Variants in XKR4 observed in about 807,000 individuals in gnomAD.
XKR4 encodes the protein XK-related protein 4.
A neutral mutation model predicts 53.9 loss-of-function variants in XKR4; 12 were observed. The observed-to-expected ratio is 0.22, with a 90% CI of 0.14 to 0.36. The LOEUF (loss-of-function observed/expected upper bound fraction) is 0.36. Among genes scored for constraint, XKR4 ranks in the 10% least tolerant of loss-of-function variants. XKR4 has a pLI of 1.00. For synonymous variants in XKR4, 354 were observed against 362.4 expected, an observed-to-expected ratio of 0.98 and a Z score of 0.26; for missense variants, 799 against 859.5, an observed-to-expected ratio of 0.93 and a Z score of 0.88.
At chr8:55,235,055 A>C (rs960531666) in intron 1 of XKR4, among the ~76,000 whole-genome samples, 1 of 152,210 alleles carries the variant, frequency 6.6e-6, no homozygotes, top group East Asian at 1.9e-4. Context: ...AGAAGTATAA[A>C]ATGAAGGATT....
rs538348094 is a variant in XKR4, at chr8:55,497,985, C to A, written c.1007-25296C>A. Among the ~76,000 whole-genome samples, 4 of 152,332 alleles carry A rather than the reference C, an allele frequency of 2.6e-5. No homozygotes were observed. The South Asian group carries it at 8.3e-4, about 32-fold the overall frequency. Reference sequence around the variant, plus strand: ...TTCCACACTCAGCCCTCTGGTCACACCCACTCCAGGCTGGCCCCGAGGATT... The same window carrying A: ...TTCCACACTCAGCCCTCTGGTCACAACCACTCCAGGCTGGCCCCGAGGATT... On this transcript the variant is annotated intron_variant, in intron 2 of 2. Coordinates refer to ENST00000327381, the MANE Select transcript of XKR4 (RefSeq NM_052898.2).
intron 2 of XKR4, among the ~76,000 whole-genome samples, chr8:55,462,604 G>T (rs1232374079): frequency 2.6e-5 from 4 of 152,102 alleles, no homozygotes; most frequent in African/African-American, 7.2e-5. Context: ...ATAATGACGG[G>T]ATCAAATTCA....
intron 2 of XKR4, among the ~76,000 whole-genome samples, chr8:55,400,626 C>G (rs1804585266): frequency 6.6e-6 from 1 of 152,128 alleles, no homozygotes; most frequent in Non-Finnish European, 1.5e-5. Flanking sequence ...GTCAGCTTCT[C>G]CCCACACTTC....
intron 1 of XKR4, among the ~76,000 whole-genome samples, chr8:55,342,137 C>G (rs1017770410): frequency 4.1e-5 from 6 of 147,168 alleles, no homozygotes; most frequent in African/African-American, 1.2e-4. Flanking sequence ...TAAATGGCAA[C>G]TCTATCTTTC....
intron 1 of XKR4, among the ~76,000 whole-genome samples, chr8:55,296,215 G>A (rs1445088602): frequency 1.3e-5 from 2 of 152,092 alleles, no homozygotes; most frequent in East Asian, 3.9e-4. Flanking sequence ...AGGGAGAGGT[G>A]GGGGCATATT....
At chr8:55,118,122 A>G (rs1233644838) in intron 1 of XKR4, among the ~76,000 whole-genome samples, 1 of 152,162 alleles carries the variant, frequency 6.6e-6, no homozygotes, top group Non-Finnish European at 1.5e-5. Context: ...TAGATTTCTG[A>G]TAAACTATTC....
chr8:55,302,271 G>A (rs1186236136), intron 1 of XKR4, among the ~76,000 whole-genome samples: 1 of 152,146 alleles, frequency 6.6e-6, no homozygotes, highest in Non-Finnish European at 1.5e-5. Context: ...CCCATTTCTT[G>A]TTTTTGTCAG....
intron 2 of XKR4, among the ~76,000 whole-genome samples, chr8:55,394,255 C>A (rs551298670): frequency 6.6e-6 from 1 of 152,112 alleles, no homozygotes; most frequent in Non-Finnish European, 1.5e-5. Context: ...TGAAGATTGG[C>A]ATCTTCATTG....
chr8:55,163,748 G>A (rs1434684578), intron 1 of XKR4, among the ~76,000 whole-genome samples: 1 of 152,108 alleles, frequency 6.6e-6, no homozygotes, highest in Non-Finnish European at 1.5e-5. Flanking sequence ...GGGAGGCTGA[G>A]GCAGGAGAAT....
intron 2 of XKR4, among the ~76,000 whole-genome samples, chr8:55,359,378 C>T (rs969227736): frequency 2.6e-5 from 4 of 152,214 alleles, no homozygotes; most frequent in Admixed American, 1.3e-4. Flanking sequence ...GATTTCCAAA[C>T]TCCCTGACAG....
In XKR4 at chr8:55,236,900, T is replaced by C. The variant is rs147118976; in HGVS notation, c.807-120778T>C. On this transcript the variant is annotated intron_variant, in intron 1 of 2. Transcript: ENST00000327381. ...GACTCTCTCTCCCTCTTTCTGGTGT[T>C]TTCAGTCACTATTCCTACCATCTCA... Among the ~76,000 whole-genome samples the C allele has an allele frequency of 7.3e-3, 1,117 of 152,354 alleles. 18 individuals carry two copies. The highest frequency in any genetic ancestry group is 0.025 in the African/African-American group (1,047 of 41,578).
chr8:55,318,775 C>T (rs1020114138), intron 1 of XKR4, among the ~76,000 whole-genome samples: 2 of 152,156 alleles, frequency 1.3e-5, no homozygotes, highest in Non-Finnish European at 2.9e-5. Context: ...CCATCAGGCA[C>T]GCAACCTCCA....
chr8:55,469,752 G>T (rs1465712880), intron 2 of XKR4, among the ~76,000 whole-genome samples: 1 of 152,078 alleles, frequency 6.6e-6, no homozygotes, highest in East Asian at 1.9e-4. Flanking sequence ...GAAGCCAGTA[G>T]CCTGACTATA....
chr8:55,136,935 A>C (rs1391632928), intron 1 of XKR4, among the ~76,000 whole-genome samples: 1 of 152,216 alleles, frequency 6.6e-6, no homozygotes, highest in African/African-American at 2.4e-5. Flanking sequence ...CCCATCTTTG[A>C]GGCATAGAGA....
intron 1 of XKR4, among the ~76,000 whole-genome samples, chr8:55,186,498 A>AC (rs1430317042): frequency 6.8e-6 from 1 of 147,310 alleles, no homozygotes; most frequent in South Asian, 2.1e-4. Flanking sequence ...TACTAAAAAT[A>AC]AAAAAAAAAT....
chr8:55,519,526 G>A (rs1380364614), intron 2 of XKR4, among the ~76,000 whole-genome samples: 1 of 151,484 alleles, frequency 6.6e-6, no homozygotes, highest in Middle Eastern at 3.2e-3. Flanking sequence ...TTCAAACAAT[G>A]TCAGTGTCAT....
intron 2 of XKR4, among the ~76,000 whole-genome samples, chr8:55,511,952 T>A (rs145990130): frequency 2.0e-5 from 3 of 151,828 alleles, no homozygotes; most frequent in African/African-American, 7.3e-5. Context: ...AGAGGGGGAG[T>A]GGAGTGGGGA....
At chr8:55,322,610 C>T (rs1231464764) in intron 1 of XKR4, among the ~76,000 whole-genome samples, 1 of 152,162 alleles carries the variant, frequency 6.6e-6, no homozygotes, top group African/African-American at 2.4e-5. Flanking sequence ...AAGACGAGTT[C>T]TCTTGCTCTA....
At chr8:55,514,756 T>C (rs1442133361) in intron 2 of XKR4, among the ~76,000 whole-genome samples, 3 of 152,204 alleles carry the variant, frequency 2.0e-5, no homozygotes, top group Non-Finnish European at 4.4e-5. Flanking sequence ...AACTTAATTC[T>C]ATTGGGCATC....
Sources: gnomAD v4.1 joint callset for allele counts (sites outside exome capture counted in the v4.1 genomes callset) on GRCh38, gnomAD v4.1.1 for gene constraint, MANE v1.5 for transcripts, NCBI Gene and HGNC (gene_info 2026-07-23, HGNC 2026-07-21) for gene names.